The following ASAP1 variants were observed in gnomAD, a reference collection of about 807,000 sequenced individuals.
The protein encoded by ASAP1 is arf-GAP with SH3 domain, ANK repeat and PH domain-containing protein 1.
ASAP1 carries 43 observed loss-of-function variants against 145.2 expected under a neutral mutation model. That is an observed-to-expected ratio of 0.30 (90% CI 0.23 to 0.38). The LOEUF (loss-of-function observed/expected upper bound fraction) is 0.38, where lower values mean the gene tolerates loss of function less well. Ranked by LOEUF, ASAP1 falls within the 10% of genes least tolerant of loss-of-function variation. The pLI is 1.00. For missense variants in ASAP1, 1,018 were observed against 1,355.3 expected (o/e 0.75, Z 3.91); for synonymous variants, 546 against 515.5 (o/e 1.06, Z -0.80).
At chr8:130,174,014 G>A (rs923668115) in intron 9 of ASAP1, among the ~76,000 whole-genome samples, 1 of 144,034 alleles carries the variant, frequency 6.9e-6, no homozygotes, top group African/African-American at 2.6e-5. Flanking sequence ...TTTGAACCCA[G>A]TAGGTGGAGG....
rs548512902 is a variant in ASAP1 at position 130,276,728 on chromosome 8, A to ACACT, written c.187-39735_187-39734insAGTG. Among the ~76,000 whole-genome samples the ACACT allele has an allele frequency of 4.5e-3, 396 of 87,294 alleles. 3 individuals carry two copies. Among genetic ancestry groups the ACACT allele is most frequent in the South Asian group, 0.016 (27 of 1,700 alleles). 57.3% of individuals were successfully genotyped at this position (87,294 alleles called of 152,430 possible). Reference sequence around the variant, plus strand: ...CACACACACACACACACACACACACACTCTCTCTCTCTCTCTCTCTCTCTC... The same window carrying ACACT: ...CACACACACACACACACACACACACACACTCTCTCTCTCTCTCTCTCTCTCTCTC... On this transcript the variant is annotated intron_variant, in intron 3 of 29. Transcript: ENST00000518721.
chr8:130,068,861 T>C (rs2097435821), intron 27 of ASAP1, among the ~76,000 whole-genome samples: 1 of 152,160 alleles, frequency 6.6e-6, no homozygotes, highest in Non-Finnish European at 1.5e-5. Flanking sequence ...CAAGTCATGG[T>C]AAATGTGTGG....
intron 3 of ASAP1, among the ~76,000 whole-genome samples, chr8:130,332,683 T>C (rs1455013340): frequency 1.3e-5 from 2 of 152,232 alleles, no homozygotes; most frequent in African/African-American, 2.4e-5. Context: ...GCTGCTTCCT[T>C]AGTTAATCTC....
chr8:130,176,839 C>T (rs969612606), intron 9 of ASAP1, among the ~76,000 whole-genome samples: 6 of 151,948 alleles, frequency 3.9e-5, no homozygotes, highest in African/African-American at 4.8e-5. Context: ...TACAGGTATG[C>T]GCAACCACAC....
intron 3 of ASAP1, among the ~76,000 whole-genome samples, chr8:130,310,631 A>T (rs1174372585): frequency 1.3e-5 from 2 of 152,192 alleles, no homozygotes; most frequent in Non-Finnish European, 2.9e-5. Context: ...CAATCTAGTT[A>T]AAAATGGGTC....
At chr8:130,103,572 C>T (rs1234382583) in intron 24 of ASAP1, among the ~76,000 whole-genome samples, 3 of 152,086 alleles carry the variant, frequency 2.0e-5, no homozygotes, top group African/African-American at 7.2e-5. Flanking sequence ...GACGCGATCT[C>T]GGCTCACTAC....
chr8:130,118,319 G>GC (rs761740584), intron 19 of ASAP1, 73 bp from the exon 20 acceptor site: 3 of 1,463,926 alleles, frequency 2.0e-6, no homozygotes, highest in South Asian at 1.2e-5. Flanking sequence ...TATATCAGTT[G>GC]CCCCCAAGTA....
chr8:130,334,302 G>T (rs1824896588), intron 3 of ASAP1, among the ~76,000 whole-genome samples: 2 of 152,256 alleles, frequency 1.3e-5, no homozygotes, highest in South Asian at 2.1e-4. Context: ...TGTTCCTTGG[G>T]TAACGGAAAA....
At chr8:130,324,928 C>T (rs1824232536) in intron 3 of ASAP1, among the ~76,000 whole-genome samples, 2 of 152,190 alleles carry the variant, frequency 1.3e-5, no homozygotes, top group South Asian at 4.1e-4. Context: ...TGCCTCGTAA[C>T]CCCGAGCTCT....
At chr8:130,273,955 G>A (rs532330312) in intron 3 of ASAP1, among the ~76,000 whole-genome samples, 12 of 152,172 alleles carry the variant, frequency 7.9e-5, no homozygotes, top group African/African-American at 1.2e-4. Flanking sequence ...GAAGGGGGGC[G>A]GAGGAGCTGG....
chr8:130,071,003 G>A lies in ASAP1; in HGVS notation c.2701+5345C>T, dbSNP rs1346773418. On this transcript the variant is annotated intron_variant, in intron 27 of 29. Transcript: ENST00000518721. ...AGGGGGGGAGAGAGAGAGAGAGAGGGGAGGGGGGGAGAGAGAGAGAGAGAG... is the reference window on the plus strand; with the variant it reads ...AGGGGGGGAGAGAGAGAGAGAGAGGAGAGGGGGGGAGAGAGAGAGAGAGAG... 9.7e-4 allele frequency among the ~76,000 whole-genome samples: 10 copies of A among 10,274 alleles called. 3 individuals are homozygous for A. Among genetic ancestry groups the A allele is most frequent in the African/African-American group, 9.3e-3 (9 of 972 alleles). 6.7% of individuals were successfully genotyped at this position (10,274 alleles called of 152,430 possible).
chr8:130,179,429 A>AC, intron 8 of ASAP1, 80 bp from the exon 9 acceptor site: 2 of 821,884 alleles, frequency 2.4e-6, no homozygotes, highest in Middle Eastern at 2.2e-4. Flanking sequence ...GCTGAACATC[A>AC]CCCCTGAATC....
intron 3 of ASAP1, 27 bp downstream of exon 3, chr8:130,357,990 G>A (rs1208259296): frequency 1.3e-6 from 2 of 1,590,954 alleles, no homozygotes; most frequent in Non-Finnish European, 1.7e-6. Flanking sequence ...GGCGAGCGTG[G>A]ACGGCGGGGG....
At chr8:130,253,623 G>A (rs1160815674) in intron 3 of ASAP1, among the ~76,000 whole-genome samples, 9 of 152,232 alleles carry the variant, frequency 5.9e-5, no homozygotes, top group East Asian at 1.9e-4. Context: ...TGTAACTTCC[G>A]TCTGCCATTT....
At chr8:130,342,466 T>C (rs896934102) in intron 3 of ASAP1, among the ~76,000 whole-genome samples, 1 of 152,134 alleles carries the variant, frequency 6.6e-6, no homozygotes, top group African/African-American at 2.4e-5. Flanking sequence ...CAGATGTCCA[T>C]TCTAAGCTGA....
intron 3 of ASAP1, among the ~76,000 whole-genome samples, chr8:130,327,986 C>T (rs1293331029): frequency 6.6e-6 from 1 of 152,022 alleles, no homozygotes; most frequent in Non-Finnish European, 1.5e-5. Flanking sequence ...GTTTTTAAGA[C>T]AGGTGATTTA....
At chr8:130,092,221 C>T in intron 24 of ASAP1, 78 bp from the exon 25 acceptor site, 1 of 1,439,704 alleles carries the variant, frequency 6.9e-7, no homozygotes, top group Non-Finnish European at 9.3e-7. Flanking sequence ...GAAATCACTT[C>T]CACACATCAG....
chr8:130,102,968 G>T (rs1470184848), intron 24 of ASAP1, among the ~76,000 whole-genome samples: 3 of 146,842 alleles, frequency 2.0e-5, no homozygotes, highest in Non-Finnish European at 3.0e-5. Context: ...TGGGATTACA[G>T]GCACGAGCCA....
chr8:130,322,782 C>G (rs769745884), intron 3 of ASAP1, among the ~76,000 whole-genome samples: 2 of 152,116 alleles, frequency 1.3e-5, no homozygotes, highest in South Asian at 4.1e-4. Flanking sequence ...GATGCACATA[C>G]GTATAACTAA....
Sources: allele counts gnomAD v4.1 joint callset (sites outside exome capture counted in the v4.1 genomes callset), GRCh38; gene constraint gnomAD v4.1.1; transcripts MANE v1.5; gene names NCBI Gene and HGNC (gene_info 2026-07-23, HGNC 2026-07-21).